HEMK2: variants seen among roughly 807,000 people sequenced by gnomAD.
HEMK2 encodes the protein HemK methyltransferase 2, ETF1 glutamine and histone H4 lysine, also known as methyltransferase HEMK2.
At chr21:28,834,631 G>A in the HEMK2 span, among the ~76,000 whole-genome samples, 1 of 152,160 alleles carries the variant, frequency 6.6e-6, no homozygotes, top group African/African-American at 2.4e-5. Flanking sequence ...TTAGAACGGG[G>A]GTTGAAGCCT....
the HEMK2 span, among the ~76,000 whole-genome samples, chr21:28,770,740 C>A: frequency 2.4e-4 from 36 of 152,204 alleles, no homozygotes; most frequent in African/African-American, 8.2e-4. Flanking sequence ...AGGCTCTTGC[C>A]AGATGCTGAC....
chr21:28,788,441 G>T, the HEMK2 span, among the ~76,000 whole-genome samples: 3 of 152,002 alleles, frequency 2.0e-5, no homozygotes, highest in Admixed American at 2.0e-4. Context: ...AGCAAACATT[G>T]TATGTTTTCA....
chr21:28,711,574 G>C, the HEMK2 span, among the ~76,000 whole-genome samples: 1 of 152,168 alleles, frequency 6.6e-6, no homozygotes, highest in African/African-American at 2.4e-5. Context: ...AAATGTTTTA[G>C]AACCTGTTGA....
chr21:28,880,593 A>C, the HEMK2 span, among the ~76,000 whole-genome samples: 1 of 152,010 alleles, frequency 6.6e-6, no homozygotes, highest in African/African-American at 2.4e-5. Flanking sequence ...AAATACAAAA[A>C]CTAGTCGGGC....
At chr21:28,577,373 T>C in the HEMK2 span, 1 of 152,076 alleles carries the variant, frequency 6.6e-6, no homozygotes, top group African/African-American at 2.4e-5. Flanking sequence ...GTTCCCATTC[T>C]TTTCTCCCTG....
chr21:28,788,568 T>C, the HEMK2 span, among the ~76,000 whole-genome samples: 1 of 152,042 alleles, frequency 6.6e-6, no homozygotes, highest in East Asian at 1.9e-4. Flanking sequence ...ACAAATATGG[T>C]GCAGCGTATA....
the HEMK2 span, among the ~76,000 whole-genome samples, chr21:28,746,640 C>T: frequency 0.25 from 36,942 of 149,144 alleles, 5,486 homozygotes; most frequent in African/African-American, 0.41. Flanking sequence ...TTGAGTGGTC[C>T]AAGAAGAGTT....
the HEMK2 span, among the ~76,000 whole-genome samples, chr21:28,731,373 C>T: frequency 9.9e-5 from 15 of 152,122 alleles, no homozygotes; most frequent in Non-Finnish European, 1.6e-4. Flanking sequence ...AATAATTATA[C>T]GTCCCATACT....
At chr21:28,862,725 T>C in the HEMK2 span, among the ~76,000 whole-genome samples, 1 of 152,204 alleles carries the variant, frequency 6.6e-6, no homozygotes, top group African/African-American at 2.4e-5. Context: ...GTAATTGTCA[T>C]GAGTATTTCC....
At chr21:28,751,180 G>C in the HEMK2 span, among the ~76,000 whole-genome samples, 544 of 148,780 alleles carry the variant, frequency 3.7e-3, 16 homozygotes, top group South Asian at 1.7e-3. Context: ...GCAGTGAGCC[G>C]AGATCACGCC....
the HEMK2 span, among the ~76,000 whole-genome samples, chr21:28,701,549 CACACACACATACACACACACACACA>C: frequency 2.6e-3 from 232 of 89,538 alleles, 1 homozygote; most frequent in African/African-American, 0.015. Context: ...ACAATAGCCA[CACACACACATACACACACACACACA>C]CACACACACA....
chr21:28,637,453 TA>T, the HEMK2 span, among the ~76,000 whole-genome samples: 5,309 of 143,184 alleles, frequency 0.037, 273 homozygotes, highest in African/African-American at 0.12. Flanking sequence ...TAACAGAAAT[TA>T]AAAAAAAAAA....
the HEMK2 span, among the ~76,000 whole-genome samples, chr21:28,686,837 C>A: frequency 6.6e-6 from 1 of 152,138 alleles, no homozygotes; most frequent in East Asian, 1.9e-4. Context: ...GTCAGGCCTT[C>A]GTGCATTTTT....
chr21:28,690,450 A>C, the HEMK2 span, among the ~76,000 whole-genome samples: 2 of 152,212 alleles, frequency 1.3e-5, no homozygotes, highest in East Asian at 3.8e-4. Flanking sequence ...ATAGCAGAGA[A>C]GCAAGTCAAG....
At chr21:28,831,090 A>C in the HEMK2 span, among the ~76,000 whole-genome samples, 1 of 152,058 alleles carries the variant, frequency 6.6e-6, no homozygotes, top group Non-Finnish European at 1.5e-5. Flanking sequence ...TAGGGGCAGG[A>C]GGGATGCCAT....
the HEMK2 span, among the ~76,000 whole-genome samples, chr21:28,820,799 C>T: frequency 6.6e-6 from 1 of 152,044 alleles, no homozygotes; most frequent in Non-Finnish European, 1.5e-5. Flanking sequence ...GAATGTCTTC[C>T]ATAGGGGGTT....
At chr21:28,593,647 T>C in the HEMK2 span, among the ~76,000 whole-genome samples, 1 of 152,190 alleles carries the variant, frequency 6.6e-6, no homozygotes, top group Non-Finnish European at 1.5e-5. Context: ...TGATAATGAA[T>C]GTATGTCAAA....
At chr21:28,781,712 C>A in the HEMK2 span, among the ~76,000 whole-genome samples, 6 of 152,176 alleles carry the variant, frequency 3.9e-5, no homozygotes, top group Non-Finnish European at 7.3e-5. Flanking sequence ...GGAAGCTCAC[C>A]TAAGCCTTTA....
the HEMK2 span, among the ~76,000 whole-genome samples, chr21:28,752,678 T>C: frequency 5.3e-5 from 8 of 152,320 alleles, no homozygotes; most frequent in South Asian, 1.7e-3. Flanking sequence ...AACTCAGTCT[T>C]TTCCCAGCCT....
Sources: allele counts gnomAD v4.1 joint callset (sites outside exome capture counted in the v4.1 genomes callset), GRCh38; gene constraint gnomAD v4.1.1; transcripts MANE v1.5; gene names NCBI Gene and HGNC (gene_info 2026-07-23, HGNC 2026-07-21).